The following RANBP2 variants were observed in gnomAD, a reference collection of about 807,000 sequenced individuals.
RANBP2 encodes the protein RAN binding protein 2, also known as E3 SUMO-protein ligase RanBP2.
In RANBP2, 57 loss-of-function variants were observed where a neutral mutation model predicts 303.6. That is an observed-to-expected ratio of 0.19 (90% CI 0.15 to 0.23). RANBP2 has a LOEUF of 0.23. Among genes scored for constraint, RANBP2 ranks in the 10% least tolerant of loss-of-function variants. The pLI is 1.00. For missense variants in RANBP2, 3,138 were observed against 3,780.8 expected (o/e 0.83, Z 4.46); for synonymous variants, 1,167 against 1,301.5 (o/e 0.90, Z 2.23).
the RANBP2 span, among the ~76,000 whole-genome samples, chr2:109,136,656 G>A: frequency 1.3e-3 from 201 of 152,280 alleles, no homozygotes; most frequent in Admixed American, 3.5e-3. Context: ...GAGTCACTGC[G>A]CTCTTGGGTA....
At chr2:109,490,469 G>A in the RANBP2 span, 4 of 749,880 alleles carry the variant, frequency 5.3e-6, no homozygotes, top group South Asian at 3.3e-5. Context: ...TGCTGTGAGT[G>A]GTAAAGTCTT....
At chr2:108,789,017 A>C (rs779144795), downstream of RANBP2, 1 of 1,596,980 alleles carries the variant, frequency 6.3e-7, no homozygotes, top group Non-Finnish European at 8.6e-7. Context: ...ATCTCAAAAA[A>C]CTGAGAAAGA....
chr2:109,352,812 C>T, the RANBP2 span, among the ~76,000 whole-genome samples: 1 of 152,238 alleles, frequency 6.6e-6, no homozygotes, highest in Non-Finnish European at 1.5e-5. Flanking sequence ...GAGCAGAGCA[C>T]CCTCTTAGCC....
chr2:109,350,048 C>T, the RANBP2 span, among the ~76,000 whole-genome samples: 3 of 152,196 alleles, frequency 2.0e-5, no homozygotes, highest in South Asian at 2.1e-4. Flanking sequence ...CGAGCTGCAT[C>T]GGATCACCAG....
chr2:108,833,894 A>ATTTTTTTTTTTTTTTTT, the RANBP2 span, among the ~76,000 whole-genome samples: 2 of 79,242 alleles, frequency 2.5e-5, no homozygotes, highest in African/African-American at 5.0e-5. Context: ...CGCCCGGCTA[A>ATTTTTTTTTTTTTTTTT]TTTTTTTTTT....
chr2:109,730,116 G>A, the RANBP2 span, among the ~76,000 whole-genome samples: 3 of 152,186 alleles, frequency 2.0e-5, no homozygotes, highest in African/African-American at 7.2e-5. Context: ...TTTGAGAAGA[G>A]ATTTGGGTGG....
At chr2:109,067,420 C>T in the RANBP2 span, among the ~76,000 whole-genome samples, 2 of 152,222 alleles carry the variant, frequency 1.3e-5, no homozygotes, top group African/African-American at 2.4e-5. Context: ...CTCGCAGCCC[C>T]GCCTGTGCTG....
the RANBP2 span, among the ~76,000 whole-genome samples, chr2:109,396,358 C>T: frequency 4.6e-5 from 7 of 152,160 alleles, no homozygotes; most frequent in Non-Finnish European, 7.4e-5. Context: ...TGTTGGAGCC[C>T]GGAGTGAGGT....
In RANBP2 at chr2:108,740,754, G is replaced by C. The variant is rs1268433248; in HGVS notation, c.975+73G>C. 6.9e-6 allele frequency: 11 copies of C among 1,594,952 alleles called. No homozygotes were observed. The African/African-American group carries it at 1.5e-4, about 22-fold the overall frequency. ...TGTGTTTGAAATGAAGGTGTGCTCT[G>C]GTATGTAATGACAATATGTGAACAA... is the stretch of plus-strand genomic sequence containing the variant. On this transcript the variant is annotated intron_variant, in intron 7 of 28. Transcript: ENST00000283195.
the RANBP2 span, among the ~76,000 whole-genome samples, chr2:109,575,329 T>A: frequency 2.0e-5 from 3 of 152,242 alleles, no homozygotes; most frequent in African/African-American, 7.2e-5. Context: ...TCAAAGTCCA[T>A]GACTCTTTGC....
chr2:109,650,948 A>C, the RANBP2 span, among the ~76,000 whole-genome samples: 2 of 152,154 alleles, frequency 1.3e-5, no homozygotes, highest in Non-Finnish European at 2.9e-5. Flanking sequence ...TGGGAAATGC[A>C]GTCTTGAGGG....
the RANBP2 span, among the ~76,000 whole-genome samples, chr2:108,805,637 G>T: frequency 6.6e-6 from 1 of 152,022 alleles, no homozygotes; most frequent in Non-Finnish European, 1.5e-5. Flanking sequence ...TGAGGCAGGA[G>T]AATGTCGTGA....
At chr2:109,683,483 A>G in the RANBP2 span, among the ~76,000 whole-genome samples, 1 of 152,260 alleles carries the variant, frequency 6.6e-6, no homozygotes, top group South Asian at 2.1e-4. Flanking sequence ...TGCAATGGCC[A>G]TGGGCAGGGG....
the RANBP2 span, chr2:109,129,420 G>A: frequency 6.8e-7 from 1 of 1,461,690 alleles, no homozygotes. Context: ...GCCACCAGCC[G>A]GGGTGAAGAA....
chr2:109,382,964 T>C, the RANBP2 span, among the ~76,000 whole-genome samples: 1 of 152,248 alleles, frequency 6.6e-6, no homozygotes, highest in Non-Finnish European at 1.5e-5. Context: ...TTCCTGAGTG[T>C]TCCAATCACA....
chr2:109,130,189 G>C, the RANBP2 span: 1 of 1,222,404 alleles, frequency 8.2e-7, no homozygotes, highest in Non-Finnish European at 1.0e-6. Flanking sequence ...GGGGGGCAGT[G>C]ATGAGGTGCG....
the RANBP2 span, among the ~76,000 whole-genome samples, chr2:109,525,079 GTT>G: frequency 3.6e-4 from 43 of 119,374 alleles, no homozygotes; most frequent in African/African-American, 8.4e-4. Flanking sequence ...CCTTACCGTT[GTT>G]TTTTTTTTTT....
At chr2:108,958,444 C>T in the RANBP2 span, among the ~76,000 whole-genome samples, 1 of 152,026 alleles carries the variant, frequency 6.6e-6, no homozygotes, top group African/African-American at 2.4e-5. Context: ...CAAAAAAAAC[C>T]CCAGGGCAGT....
the RANBP2 span, among the ~76,000 whole-genome samples, chr2:108,995,300 A>C: frequency 1.3e-5 from 2 of 152,150 alleles, no homozygotes; most frequent in African/African-American, 2.4e-5. Context: ...TGCTGGGAAT[A>C]CAGGTGTGCC....
Sources: allele counts gnomAD v4.1 joint callset (sites outside exome capture counted in the v4.1 genomes callset), GRCh38; gene constraint gnomAD v4.1.1; transcripts MANE v1.5; gene names NCBI Gene and HGNC (gene_info 2026-07-23, HGNC 2026-07-21).